The following PRKDC variants were observed in gnomAD, a reference collection of about 807,000 sequenced individuals.
The protein encoded by PRKDC is DNA-dependent protein kinase catalytic subunit.
Under a neutral mutation model 486.9 loss-of-function variants are expected in PRKDC, and 82 were observed. The observed-to-expected ratio is 0.17, with a 90% CI of 0.14 to 0.20. The LOEUF is 0.20. Among genes scored for constraint, PRKDC ranks in the 10% least tolerant of loss-of-function variants. PRKDC has a pLI of 1.00. For missense variants in PRKDC, 4,504 were observed against 5,038.2 expected (o/e 0.89, Z 3.21); for synonymous variants, 1,895 against 1,837.0 (o/e 1.03, Z -0.81).
chr8:47,811,919 G>A (rs980197632), intron 68 of PRKDC, among the ~76,000 whole-genome samples: 2 of 152,210 alleles, frequency 1.3e-5, no homozygotes, highest in African/African-American at 2.4e-5. Flanking sequence ...GCAGGTTGCA[G>A]TGAGCCAAGA....
chr8:47,929,162 C>T lies in PRKDC; in HGVS notation c.2069G>A (p.Ser690Asn), dbSNP rs373786787. The stretch of plus-strand genomic sequence containing the variant: ...TGGGTCTTCAGGAGAGTGTTTCAGA[C>T]TCTTTGGACTAACTCCCTGTCAAAT... ...IKYFEGVSPK[S>N]LKHSPEDPEK... Residue 690 changes from serine to asparagine, a missense_variant, in exon 19 of 86, where the codon AGT becomes AAT. This residue lies in a region of PRKDC where 1,969 missense variants were observed against 2,068.9 expected (regional missense o/e 0.95). Transcript: ENST00000314191. 6.4e-7 allele frequency: 1 copy of T among 1,573,788 alleles called. No individual in the cohort carries two copies. Among genetic ancestry groups the T allele is most frequent in the Non-Finnish European group, 8.6e-7 (1 of 1,157,458 alleles).
chr8:47,811,416 A>C (rs780238814), intron 68 of PRKDC, among the ~76,000 whole-genome samples: 1 of 152,228 alleles, frequency 6.6e-6, no homozygotes, highest in Non-Finnish European at 1.5e-5. Flanking sequence ...TGCTAAACGA[A>C]GATTTTTAGG....
intron 33 of PRKDC, 126 bp downstream of exon 33, chr8:47,888,888 T>G: frequency 2.7e-6 from 3 of 1,117,748 alleles, no homozygotes. Context: ...TTGAGGTCAC[T>G]GGCAGCAAAC....
At chr8:47,778,883 A>T (rs2086652445) in intron 81 of PRKDC, 84 bp from the exon 82 acceptor site, 4 of 1,472,850 alleles carry the variant, frequency 2.7e-6, no homozygotes, top group Non-Finnish European at 3.7e-6. Flanking sequence ...GTTTATATTG[A>T]GACTCAAATA....
At chr8:47,959,673 C>T (rs1388602163) in intron 1 of PRKDC, among the ~76,000 whole-genome samples, 10 of 150,580 alleles carry the variant, frequency 6.6e-5, no homozygotes, top group Non-Finnish European at 8.9e-5. Flanking sequence ...AGCGAGACTC[C>T]GTCTCAAAAA....
Position 47,820,773 on chromosome 8 carries a change from A to G in PRKDC, c.9282T>C (p.Asp3094=), listed in dbSNP as rs2087574203. The stretch of plus-strand genomic sequence containing the variant: ...TGTAATATTTGGCTCTGTCAACATC[A>G]TCTTGCAGGAGGTAAAGCAGACTCA... ...QELSLLYLLQ[D]DVDRAKYYIQ... is the part of the protein sequence containing the mutation. The change falls in exon 66 of 86, where the codon GAT becomes GAC. Residue 3094 remains aspartate (D), a synonymous_variant. Coordinates refer to ENST00000314191, the MANE Select transcript of PRKDC (RefSeq NM_006904.7). The G allele has an allele frequency of 6.2e-7, 1 of 1,608,048 alleles. No individual in the cohort carries two copies. The highest frequency in any genetic ancestry group is 1.3e-5 in the African/African-American group (1 of 74,898).
rs2154502454 is a variant in PRKDC, at chr8:47,904,920, G to A, written c.2991C>T (p.Asn997=). Residue 997 remains asparagine, a synonymous_variant, in exon 26 of 86, where the codon AAC becomes AAT. Transcript: ENST00000314191. The part of the protein sequence containing the change: ...LVMQLIHWFT[N]NKKFESQDTV... The stretch of plus-strand genomic sequence containing the variant: ...TATCCTGACTTTCAAATTTCTTGTT[G>A]TTAGTGAACCAGTGAATCAGCTGCA... 6.2e-7 allele frequency: 1 copy of A among 1,613,668 alleles called. No individual in the cohort carries two copies. Among genetic ancestry groups the A allele is most frequent in the Non-Finnish European group, 8.5e-7 (1 of 1,179,708 alleles).
chr8:47,950,704 C>T (rs1258271777), intron 7 of PRKDC, among the ~76,000 whole-genome samples: 1 of 151,808 alleles, frequency 6.6e-6, no homozygotes, highest in Non-Finnish European at 1.5e-5. Flanking sequence ...ATTTCATTGG[C>T]CAGGCGTGGC....
intron 80 of PRKDC, among the ~76,000 whole-genome samples, chr8:47,780,960 G>A (rs974675008): frequency 6.6e-6 from 1 of 152,070 alleles, no homozygotes; most frequent in African/African-American, 2.4e-5. Context: ...ACTGTAACAT[G>A]CTGAATTAAG....
intron 32 of PRKDC, 135 bp downstream of exon 32, chr8:47,890,122 G>C: frequency 1.9e-5 from 7 of 369,986 alleles, no homozygotes; most frequent in Non-Finnish European, 2.6e-5. Flanking sequence ...GGGTTGAGAG[G>C]ATGAAATATA....
At chr8:47,865,625 A>C (rs928014022) in intron 40 of PRKDC, among the ~76,000 whole-genome samples, 2 of 152,148 alleles carry the variant, frequency 1.3e-5, no homozygotes, top group Non-Finnish European at 2.9e-5. Flanking sequence ...TGGCCATTAA[A>C]ATTCTGATGC....
intron 68 of PRKDC, among the ~76,000 whole-genome samples, chr8:47,815,844 A>G (rs1005666510): frequency 6.6e-6 from 1 of 152,262 alleles, no homozygotes; most frequent in African/African-American, 2.4e-5. Flanking sequence ...AGCAGCTCCT[A>G]CATTTATTTG....
intron 21 of PRKDC, among the ~76,000 whole-genome samples, chr8:47,918,925 G>A (rs2090030970): frequency 6.6e-6 from 1 of 151,960 alleles, no homozygotes; most frequent in Admixed American, 6.6e-5. Flanking sequence ...TGAGGAACAA[G>A]ACTATTTACA....
chr8:47,790,777 A>AT (rs960154924), intron 74 of PRKDC, among the ~76,000 whole-genome samples: 18 of 152,278 alleles, frequency 1.2e-4, no homozygotes, highest in African/African-American at 3.8e-4. Context: ...CAGTGAATCC[A>AT]TTTTTTCACA....
intron 16 of PRKDC, among the ~76,000 whole-genome samples, chr8:47,932,477 A>G (rs2090274204): frequency 6.6e-6 from 1 of 152,146 alleles, no homozygotes; most frequent in African/African-American, 2.4e-5. Context: ...TCGGCCTCCC[A>G]AAGTCCTGGG....
rs2086645689 is a variant in PRKDC, at chr8:47,778,569, G to A, written c.11743C>T (p.His3915Tyr). The A allele has an allele frequency of 6.2e-7, 1 of 1,613,820 alleles. No individual in the cohort carries two copies. The highest frequency in any genetic ancestry group is 8.5e-7 in the Non-Finnish European group (1 of 1,179,836). Reference protein sequence around the residue: ...ASSHALICISHWILGIGDRHL... With the variant: ...ASSHALICISYWILGIGDRHL... ...CTGTCTCCAATCCCGAGGATCCAGT[G>A]GCTGATGCATATCAGAGCGTGAGAG... The change falls in exon 83 of 86, where the codon CAC (histidine) becomes TAC (tyrosine). Residue 3915 changes from histidine (H) to tyrosine (Y), a missense_variant. Transcript: ENST00000314191.
At chr8:47,814,270 CTGAG>C (rs1436409881) in intron 68 of PRKDC, among the ~76,000 whole-genome samples, 2 of 152,154 alleles carry the variant, frequency 1.3e-5, no homozygotes, top group African/African-American at 4.8e-5. Context: ...TTTTTTAAAG[CTGAG>C]TGAGTGAACT....
intron 26 of PRKDC, among the ~76,000 whole-genome samples, chr8:47,904,563 G>A (rs1199497419): frequency 6.6e-6 from 1 of 152,228 alleles, no homozygotes; most frequent in Non-Finnish European, 1.5e-5. Context: ...CACTGCCAAG[G>A]TGGGCGGATC....
At chr8:47,955,976 A>C (rs1262403035) in intron 3 of PRKDC, 28 bp from the exon 4 acceptor site, 1 of 1,465,806 alleles carries the variant, frequency 6.8e-7, no homozygotes, top group Non-Finnish European at 9.4e-7. Context: ...AATAACCAAA[A>C]TCATCAATAA....
Sources: allele counts gnomAD v4.1 joint callset (sites outside exome capture counted in the v4.1 genomes callset), GRCh38; gene constraint gnomAD v4.1.1; regional missense constraint gnomAD v4.1.1; transcripts MANE v1.5; gene names NCBI Gene and HGNC (gene_info 2026-07-23, HGNC 2026-07-21).